Variants in SLC2A14 observed in about 807,000 individuals in gnomAD.
SLC2A14 encodes the protein solute carrier family 2, facilitated glucose transporter member 14.
Under a neutral mutation model 43.0 loss-of-function variants are expected in SLC2A14, and 13 were observed. That is an observed-to-expected ratio of 0.30 (90% CI 0.20 to 0.48). The LOEUF (loss-of-function observed/expected upper bound fraction) is 0.48, where lower values mean the gene tolerates loss of function less well. Ranked by LOEUF, SLC2A14 falls within the 20% of genes least tolerant of loss-of-function variation. The pLI is 0.99. For synonymous variants in SLC2A14, 190 were observed against 233.8 expected (o/e 0.81, Z 1.71); for missense variants, 428 against 620.4 (o/e 0.69, Z 3.29).
upstream of SLC2A14, among the ~76,000 whole-genome samples, chr12:7,874,946 A>T (rs1592325015): frequency 3.8e-5 from 1 of 26,310 alleles, no homozygotes. Context: ...ATTTATATAT[A>T]AATATATTTA....
chr12:7,826,858 C>CCTTCCTTCCTT (rs1565507403), intron 7 of SLC2A14, among the ~76,000 whole-genome samples: 16 of 43,196 alleles, frequency 3.7e-4, no homozygotes, highest in African/African-American at 5.3e-4. Flanking sequence ...TCCTTCCTTT[C>CCTTCCTTCCTT]TTTTTTCTTT....
At chr12:7,874,949 T>TAC (rs1352649051), upstream of SLC2A14, among the ~76,000 whole-genome samples, 9 of 58,714 alleles carry the variant, frequency 1.5e-4, 2 homozygotes, top group East Asian at 1.4e-3. Flanking sequence ...TATATATAAA[T>TAC]ATATTTATAT....
At chr12:7,878,908 C>T (rs1945511764) in intron 1 of SLC2A14, among the ~76,000 whole-genome samples, 1 of 124,312 alleles carries the variant, frequency 8.0e-6, no homozygotes, top group Admixed American at 1.2e-4. Context: ...ACCAGGGAGT[C>T]GGAGGTTGCA....
chr12:7,889,205 A>T (rs956880642), intron 1 of SLC2A14, among the ~76,000 whole-genome samples: 1 of 151,062 alleles, frequency 6.6e-6, no homozygotes, highest in East Asian at 2.0e-4. Context: ...CTCCATAGAC[A>T]GAGTAGCCCA....
chr12:7,827,096 T>TCTTC (rs1190008523), intron 7 of SLC2A14, among the ~76,000 whole-genome samples: 1 of 73,800 alleles, frequency 1.4e-5, no homozygotes, highest in African/African-American at 5.6e-5. Context: ...TCTTTCTTTC[T>TCTTC]CTTTCTTTCT....
intron 2 of SLC2A14, among the ~76,000 whole-genome samples, chr12:7,842,476 A>G (rs780151556): frequency 6.6e-6 from 1 of 152,168 alleles, no homozygotes; most frequent in Admixed American, 6.5e-5. Flanking sequence ...GCGGGAAAAG[A>G]CTTCTTCTAT....
rs1050776044 is a variant in SLC2A14, at chr12:7,890,193, T to G, written c.132+803A>C. Among the ~76,000 whole-genome samples the G allele has an allele frequency of 4.6e-5, 7 of 151,280 alleles. 1 individual carries two copies. Among genetic ancestry groups the G allele is most frequent in the Non-Finnish European group, 1.0e-4 (7 of 67,828 alleles). ...TACCCAGCTCCTATTGAAGATGGAG[T>G]CGTTCTGGTTCACACAGCTCTGATA... On this transcript the variant is annotated intron_variant, in intron 1 of 9. Coordinates refer to the SLC2A14 transcript ENST00000539924.
intron 1 of SLC2A14, among the ~76,000 whole-genome samples, chr12:7,887,323 AT>A (rs1345091716): frequency 6.6e-6 from 1 of 151,974 alleles, no homozygotes. Context: ...AAAAAAAAAA[AT>A]CACAGGGAGA....
chr12:7,817,995 T>C lies in SLC2A14; in HGVS notation c.1111A>G (p.Ile371Val), dbSNP rs1157565235. 1 of 1,614,022 alleles carries C rather than the reference T, an allele frequency of 6.2e-7. No homozygotes were observed. The highest frequency in any genetic ancestry group is 8.5e-7 in the Non-Finnish European group (1 of 1,180,032). The change falls in exon 10 of 11, where the codon ATC (isoleucine) becomes GTC (valine). Residue 371 changes from isoleucine to valine, a missense_variant. Ile to Val is a conservative substitution (Grantham distance 29, BLOSUM62 3). This residue lies in a region of SLC2A14 where 119 missense variants were observed against 188.7 expected (regional missense o/e 0.63). Coordinates refer to ENST00000431042, the MANE Select transcript of SLC2A14 (RefSeq NM_001286234.2). ...TCAAAACAGGCCACAAAGACCAAGA[T>C]AGCCCCAATACAGACAAAGCTCATC... ...NGMSFVCIGAILVFVACFEIG... is the reference protein window; with the variant it reads ...NGMSFVCIGAVLVFVACFEIG...
At position 7,891,009 on chromosome 12, in the gene SLC2A14, C is replaced by T. The variant is rs924337309; in HGVS notation, c.119G>A (p.Gly40Asp). Residue 40 changes from glycine to aspartate, a missense_variant, in exon 1 of 10, where the codon GGC becomes GAC. Transcript: ENST00000539924. The stretch of plus-strand genomic sequence containing the variant: ...AGTTCCACTTACCTCCTCCCCGACG[C>T]CCCCATTCTGACTCTTCTCCAGAGT... 2.1e-5 allele frequency: 32 copies of T among 1,534,436 alleles called. No individual in the cohort carries two copies. In the Admixed American group the frequency reaches 5.9e-4, roughly 28 times the overall value.
At chr12:7,815,516 T>C (rs10772774) in intron 10 of SLC2A14, among the ~76,000 whole-genome samples, 127,983 of 152,094 alleles carry the variant, frequency 0.84, 55,107 homozygotes, top group Non-Finnish European at 0.94. Context: ...GTTTATAGCC[T>C]TTGATGTCTA....
At chr12:7,868,174 G>A (rs987447731) in intron 2 of SLC2A14, among the ~76,000 whole-genome samples, 2 of 152,160 alleles carry the variant, frequency 1.3e-5, no homozygotes, top group Non-Finnish European at 2.9e-5. Flanking sequence ...TCAGTCGGCA[G>A]CCATCAATGC....
At position 7,861,741 on chromosome 12, in the gene SLC2A14, C is replaced by A. The variant is rs763535635; in HGVS notation, c.18+8122G>T. On this transcript the variant is annotated intron_variant, in intron 2 of 10. Transcript: ENST00000431042. ...ACTTTGAGGGGCTGAGGCAGCAGAT[C>A]TCCTGAGGTCAGGAATTCCAGACCA... 2.6e-5 allele frequency among the ~76,000 whole-genome samples: 4 copies of A among 151,826 alleles called. No individual in the cohort carries two copies. The South Asian group carries it at 8.3e-4, about 32-fold the overall frequency.
At chr12:7,821,146 C>T in intron 8 of SLC2A14, 75 bp downstream of exon 8, 1 of 1,090,188 alleles carries the variant, frequency 9.2e-7, no homozygotes. Flanking sequence ...AACGGTGGAG[C>T]CATGCAATCC....
chr12:7,874,407 CTCA>C (rs1282982642), upstream of SLC2A14, among the ~76,000 whole-genome samples: 1 of 151,984 alleles, frequency 6.6e-6, no homozygotes, highest in Non-Finnish European at 1.5e-5. Context: ...GATGCAGTGG[CTCA>C]TGCCTGTAAT....
At chr12:7,868,413 C>T (rs7300869) in intron 2 of SLC2A14, among the ~76,000 whole-genome samples, 152,205 of 152,296 alleles carry the variant, frequency 1, 76,058 homozygotes, top group Middle Eastern at 1. Context: ...TTTCTCTCAG[C>T]AGTCTGGAAC....
At chr12:7,879,558 C>T (rs1945530152) in intron 1 of SLC2A14, among the ~76,000 whole-genome samples, 1 of 152,050 alleles carries the variant, frequency 6.6e-6, no homozygotes, top group Admixed American at 6.6e-5. Context: ...CTGACAGGTG[C>T]CTGTAATCCT....
At chr12:7,829,677 G>A (rs902354448) in intron 5 of SLC2A14, 89 bp downstream of exon 5, 3 of 1,528,544 alleles carry the variant, frequency 2.0e-6, no homozygotes, top group African/African-American at 2.8e-5. Flanking sequence ...TTGAACATGT[G>A]CCAGATATTC....
chr12:7,817,548 T>C (rs961818437), intron 10 of SLC2A14, among the ~76,000 whole-genome samples: 1 of 152,052 alleles, frequency 6.6e-6, no homozygotes, highest in Admixed American at 6.5e-5. Context: ...GCGGGCAGAT[T>C]ACCAGGTCAA....
Sources: gnomAD v4.1 joint callset for allele counts (sites outside exome capture counted in the v4.1 genomes callset) on GRCh38, gnomAD v4.1.1 for gene constraint, gnomAD v4.1.1 regional missense constraint, MANE v1.5 for transcripts, NCBI Gene and HGNC (gene_info 2026-07-23, HGNC 2026-07-21) for gene names.